Variants in SLC35F4 observed in about 807,000 individuals in gnomAD.
The protein encoded by SLC35F4 is solute carrier family 35 member F4, also known as chromosome 14 open reading frame 36.
In SLC35F4, 24 loss-of-function variants were observed where a neutral mutation model predicts 44.2. The observed-to-expected ratio is 0.54, with a 90% CI of 0.39 to 0.76. The LOEUF (loss-of-function observed/expected upper bound fraction) is 0.76, where lower values mean the gene tolerates loss of function less well. SLC35F4 is among the 30% of genes least tolerant of loss of function. The probability of loss-of-function intolerance (pLI) is 0.00; values close to 1 mark genes in which losing one functional copy is unlikely to be tolerated. For missense variants in SLC35F4, 562 were observed against 586.1 expected, an observed-to-expected ratio of 0.96 and a Z score of 0.42; for synonymous variants, 238 against 223.6, an observed-to-expected ratio of 1.06 and a Z score of -0.57.
chr14:57,817,603 G>A (rs939608044), intron 1 of SLC35F4, among the ~76,000 whole-genome samples: 2 of 152,042 alleles, frequency 1.3e-5, no homozygotes, highest in Admixed American at 1.3e-4. Flanking sequence ...TGGGAACCTG[G>A]AGAGTGGAGA....
chr14:57,734,889 A>G (rs1454700195), intron 1 of SLC35F4, among the ~76,000 whole-genome samples: 1 of 152,200 alleles, frequency 6.6e-6, no homozygotes, highest in Non-Finnish European at 1.5e-5. Flanking sequence ...GTCCCCATGT[A>G]GCCTTATGCC....
intron 1 of SLC35F4, among the ~76,000 whole-genome samples, chr14:57,913,503 C>T (rs141267119): frequency 4.2e-4 from 64 of 152,142 alleles, no homozygotes; most frequent in African/African-American, 1.4e-3. Flanking sequence ...AATCTAAGTC[C>T]ACTTTCAAAT....
chr14:57,775,660 A>G (rs2077471007), intron 1 of SLC35F4, among the ~76,000 whole-genome samples: 1 of 152,224 alleles, frequency 6.6e-6, no homozygotes, highest in Non-Finnish European at 1.5e-5. Flanking sequence ...AAGGAAAGCA[A>G]CTTCAGAGAT....
intron 1 of SLC35F4, among the ~76,000 whole-genome samples, chr14:57,756,247 C>T (rs1452443694): frequency 6.6e-6 from 1 of 152,210 alleles, no homozygotes; most frequent in African/African-American, 2.4e-5. Flanking sequence ...CAGTGTCACA[C>T]ACCTTTTGGT....
At chr14:57,690,838 C>A (rs113315786) in intron 1 of SLC35F4, among the ~76,000 whole-genome samples, 62 of 152,198 alleles carry the variant, frequency 4.1e-4, no homozygotes, top group African/African-American at 1.4e-3. Context: ...CACTACTGAT[C>A]TGACAGGAGG....
chr14:57,933,947 A>G (rs1412636913), intron 1 of SLC35F4, among the ~76,000 whole-genome samples: 1 of 152,198 alleles, frequency 6.6e-6, no homozygotes, highest in Admixed American at 6.5e-5. Flanking sequence ...TGTTTAAAGA[A>G]GGTGATATTT....
intron 1 of SLC35F4, among the ~76,000 whole-genome samples, chr14:57,980,240 C>A (rs1039102537): frequency 2.0e-5 from 3 of 152,144 alleles, no homozygotes; most frequent in African/African-American, 7.2e-5. Context: ...TTTTATTTTT[C>A]TGAAGGTCTC....
At chr14:57,840,810 T>C (rs550702016) in intron 1 of SLC35F4, among the ~76,000 whole-genome samples, 1 of 152,316 alleles carries the variant, frequency 6.6e-6, no homozygotes, top group East Asian at 1.9e-4. Context: ...TGTTCCTTTC[T>C]TACGTATACA....
At chr14:57,946,417 C>T (rs1434295734) in intron 1 of SLC35F4, among the ~76,000 whole-genome samples, 3 of 147,348 alleles carry the variant, frequency 2.0e-5, no homozygotes, top group Admixed American at 6.8e-5. Flanking sequence ...TTTGCTTTGT[C>T]GAAGATCAGT....
chr14:57,584,102 C>T (rs1337096279), intron 3 of SLC35F4, among the ~76,000 whole-genome samples: 1 of 152,030 alleles, frequency 6.6e-6, no homozygotes, highest in African/African-American at 2.4e-5. Flanking sequence ...GTCTTTGGCT[C>T]CAGTTTGATG....
chr14:57,646,509 T>C (rs2073524497), intron 1 of SLC35F4, among the ~76,000 whole-genome samples: 1 of 152,220 alleles, frequency 6.6e-6, no homozygotes, highest in Non-Finnish European at 1.5e-5. Context: ...TTGATTCTTC[T>C]GTCTTTTCTT....
rs578114026 is a variant in SLC35F4 at position 57,881,275 on chromosome 14, G to A, written n.282+100638C>T. Among the ~76,000 whole-genome samples the A allele has an allele frequency of 3.7e-4, 57 of 152,260 alleles. 1 individual carries two copies. The South Asian group carries it at 6.2e-3, about 17-fold the overall frequency. Reference sequence around the variant, plus strand: ...GCACACCTCTGAACTTATCTATTATGAGTTTATTTTCTCTGGAACTTTCAG... The same window carrying A: ...GCACACCTCTGAACTTATCTATTATAAGTTTATTTTCTCTGGAACTTTCAG... On this transcript the variant is annotated intron_variant and non_coding_transcript_variant, in intron 1 of 1. Coordinates refer to the SLC35F4 transcript ENST00000556568.
chr14:57,819,740 G>A (rs969494494), intron 1 of SLC35F4, among the ~76,000 whole-genome samples: 3 of 151,354 alleles, frequency 2.0e-5, no homozygotes, highest in African/African-American at 7.3e-5. Context: ...TTGAACCTGG[G>A]AGGCAGAGGG....
intron 1 of SLC35F4, among the ~76,000 whole-genome samples, chr14:57,633,149 T>C (rs773223019): frequency 2.6e-5 from 4 of 152,132 alleles, no homozygotes; most frequent in Non-Finnish European, 5.9e-5. Flanking sequence ...GATATCTCGA[T>C]TGCATCTAAG....
intron 1 of SLC35F4, among the ~76,000 whole-genome samples, chr14:57,886,135 A>T (rs533731121): frequency 6.6e-6 from 1 of 152,344 alleles, no homozygotes; most frequent in South Asian, 2.1e-4. Context: ...AAGCTATTTA[A>T]GTCTAACAAC....
rs543778999 is a variant in SLC35F4, at chr14:57,784,548, G to C, written c.103+81175C>G. Among the ~76,000 whole-genome samples the C allele has an allele frequency of 5.9e-5, 9 of 152,182 alleles. No individual in the cohort carries two copies. The South Asian group carries it at 1.9e-3, about 32-fold the overall frequency. On this transcript the variant is annotated intron_variant, in intron 1 of 7. Coordinates refer to ENST00000556826, the MANE Select transcript of SLC35F4 (RefSeq NM_001306087.2). ...AAAAAATTTTTTCTTAGTCAGGGGC[G>C]TGCCTGTAGTCCCAGCTACTTGGGA...
At chr14:57,745,496 C>A (rs930244730) in intron 1 of SLC35F4, among the ~76,000 whole-genome samples, 8 of 152,236 alleles carry the variant, frequency 5.3e-5, no homozygotes, top group Non-Finnish European at 1.0e-4. Context: ...CTCATCATCA[C>A]TGGCCATCAG....
intron 1 of SLC35F4, among the ~76,000 whole-genome samples, chr14:57,650,735 C>T (rs62003989): frequency 1.1e-3 from 162 of 152,318 alleles, no homozygotes; most frequent in Middle Eastern, 3.4e-3. Flanking sequence ...TTTCCTTAGG[C>T]TTACAAAGTC....
chr14:57,929,868 C>G (rs1290937038), intron 1 of SLC35F4, among the ~76,000 whole-genome samples: 1 of 152,170 alleles, frequency 6.6e-6, no homozygotes, highest in Non-Finnish European at 1.5e-5. Flanking sequence ...TGAGCTCTCA[C>G]AGAAGCTTTG....
Sources: allele counts gnomAD v4.1 joint callset (sites outside exome capture counted in the v4.1 genomes callset), GRCh38; gene constraint gnomAD v4.1.1; transcripts MANE v1.5; gene names NCBI Gene and HGNC (gene_info 2026-07-23, HGNC 2026-07-21).